Variants in CBY2 observed in about 807,000 individuals in gnomAD.
CBY2 encodes chibby family member 2, also known as protein chibby homolog 2.
Under a neutral mutation model 25.3 loss-of-function variants are expected in CBY2, and 23 were observed. The ratio of observed to expected loss-of-function variants is 0.91; its 90% CI spans 0.65 to 1.29. The LOEUF is 1.29. CBY2 is among the 50% of genes most tolerant of loss of function. The pLI, the probability that CBY2 is intolerant of heterozygous loss-of-function variation, is 0.00. For synonymous variants in CBY2, 279 were observed against 260.2 expected (o/e 1.07, Z -0.70); for missense variants, 642 against 590.7 (o/e 1.09, Z -0.90).
chr13:45,713,380 C>A lies in CBY2; in HGVS notation c.355C>A (p.Pro119Thr), dbSNP rs200515699. ...CGACCTGGAGCTGGACTACAACCCGCCGCGGGTGCAGCTCAGCGACGAGAT... is the reference window on the plus strand; with the variant it reads ...CGACCTGGAGCTGGACTACAACCCGACGCGGGTGCAGCTCAGCGACGAGAT... Reference protein sequence around the residue: ...QADLELDYNPPRVQLSDEMFV... With the variant: ...QADLELDYNPTRVQLSDEMFV... Residue 119 changes from proline to threonine, a missense_variant, in exon 3 of 3, where the codon CCG becomes ACG. By Grantham distance (38) the Pro-to-Thr change is conservative. Transcript: ENST00000310521. The surrounding 1 kb of genome is among the most constrained non-coding windows in gnomAD (Gnocchi z 5.0). 222 of 1,614,192 alleles carry A rather than the reference C, an allele frequency of 1.4e-4. 3 individuals are homozygous for A. The East Asian group carries it at 4.3e-3, about 31-fold the overall frequency.
chr13:45,713,529 G>A lies in CBY2; in HGVS notation c.504G>A (p.Leu168=). ...HHKRLAKECM[L]QEENKSLREE... ...AGAGGCTGGCCAAGGAGTGCATGCTGCAGGAGGAGAACAAGTCTCTGCGGG... is the reference window on the plus strand; with the variant it reads ...AGAGGCTGGCCAAGGAGTGCATGCTACAGGAGGAGAACAAGTCTCTGCGGG... Residue 168 remains leucine, a synonymous_variant, in exon 3 of 3, where the codon CTG becomes CTA. Coordinates refer to ENST00000310521, the MANE Select transcript of CBY2 (RefSeq NM_152719.3). The surrounding 1 kb of genome is among the most constrained non-coding windows in gnomAD (Gnocchi z 5.0). 1.2e-6 allele frequency: 2 copies of A among 1,614,200 alleles called. No individual in the cohort carries two copies. Among genetic ancestry groups the A allele is most frequent in the Non-Finnish European group, 8.5e-7 (1 of 1,180,026 alleles).
At chr13:45,705,949 A>AT (rs201781345) in intron 2 of CBY2, among the ~76,000 whole-genome samples, 1,982 of 152,176 alleles carry the variant, frequency 0.013, 17 homozygotes, top group Non-Finnish European at 0.021. Flanking sequence ...TGGTAGCCAC[A>AT]TTTTTCCAGG....
At position 45,713,574 on chromosome 13, in the gene CBY2, C is replaced by T. The variant is rs1186574596; in HGVS notation, c.549C>T (p.Arg183=). The change falls in exon 3 of 3, where the codon CGC becomes CGT. Residue 183 remains arginine (R), a synonymous_variant. Transcript: ENST00000310521. This position sits in a 1 kb window ranked among gnomAD's most constrained non-coding sequence, Gnocchi z 5.0. ...KSLREENKAL[R]EENRMLSKEN... is the part of the protein sequence containing the mutation. The stretch of plus-strand genomic sequence containing the variant: ...TGCGGGAGGAGAACAAGGCCCTGCG[C>T]GAGGAGAACCGGATGCTCAGCAAGG... The T allele has an allele frequency of 1.2e-6, 2 of 1,613,636 alleles. No homozygotes were observed. The highest frequency in any genetic ancestry group is 1.7e-6 in the Non-Finnish European group (2 of 1,179,862).
chr13:45,710,569 A>T (rs187534640), intron 2 of CBY2, among the ~76,000 whole-genome samples: 191 of 152,196 alleles, frequency 1.3e-3, no homozygotes, highest in African/African-American at 4.0e-3. Context: ...ACAACAAAAC[A>T]TTCACGTCTT....
chr13:45,705,577 C>T (rs1178980719), intron 2 of CBY2, among the ~76,000 whole-genome samples: 1 of 152,212 alleles, frequency 6.6e-6, no homozygotes, highest in East Asian at 1.9e-4. Flanking sequence ...CTTCTTTATC[C>T]TCTTTGCTGT....
rs759503227 is a variant in CBY2 at position 45,713,233 on chromosome 13, C to T, written c.208C>T (p.Arg70Cys). ...GCTCCACAACTTGTACAGCACCCCT[C>T]GCTGCGCGCAGCAGGCCGCCCTGCC... ...PRLHNLYSTPRCAQQAALPRL... is the reference protein window; with the variant it reads ...PRLHNLYSTPCCAQQAALPRL... Residue 70 changes from arginine to cysteine, a missense_variant, in exon 3 of 3, where the codon CGC becomes TGC. By Grantham distance (180) the Arg-to-Cys change is radical. Transcript: ENST00000310521. This position sits in a 1 kb window ranked among gnomAD's most constrained non-coding sequence, Gnocchi z 5.0. 18 of 1,613,454 alleles carry T rather than the reference C, an allele frequency of 1.1e-5. No individual in the cohort carries two copies. The highest frequency in any genetic ancestry group is 4.5e-5 in the East Asian group (2 of 44,890).
intron 2 of CBY2, 52 bp downstream of exon 2, chr13:45,702,907 C>G (rs1950219399): frequency 7.2e-7 from 1 of 1,390,244 alleles, no homozygotes; most frequent in South Asian, 1.2e-5. Flanking sequence ...CAGAATAACC[C>G]CCCATCTCCT....
Position 45,714,086 on chromosome 13 carries a change from A to G in CBY2, c.1061A>G (p.Gln354Arg), listed in dbSNP as rs1162462633. The change falls in exon 3 of 3, where the codon CAG (glutamine) becomes CGG (arginine). Residue 354 changes from glutamine (Q) to arginine (R), a missense_variant. Coordinates refer to ENST00000310521, the MANE Select transcript of CBY2 (RefSeq NM_152719.3). ...GGCCCGGGCCTGCCCGACGGCTGCC[A>G]GCCCCTGCAGCTGCTGAGAGAGATG... ...KVGPGLPDGC[Q>R]PLQLLREMRQ... The G allele has an allele frequency of 6.5e-7, 1 of 1,537,878 alleles. No homozygotes were observed. The highest frequency in any genetic ancestry group is 2.1e-5 in the Admixed American group (1 of 47,982).
intron 1 of CBY2, 59 bp from the exon 2 acceptor site, chr13:45,702,716 A>G (rs1950216868): frequency 1.4e-6 from 2 of 1,384,048 alleles, no homozygotes; most frequent in Admixed American, 1.7e-5. Flanking sequence ...TAGGCGAGCA[A>G]TTGAGGCCCA....
In CBY2 at chr13:45,706,804, G is replaced by A. The variant is rs1179218698; in HGVS notation, c.156+3949G>A. ...TGAAACCAATCCAGTGATACCACTGGTCGAGGAGTCCTACTGAGAAGGAAC... is the reference window on the plus strand; with the variant it reads ...TGAAACCAATCCAGTGATACCACTGATCGAGGAGTCCTACTGAGAAGGAAC... On this transcript the variant is annotated intron_variant, in intron 2 of 2. Transcript: ENST00000310521. 2.6e-5 allele frequency among the ~76,000 whole-genome samples: 4 copies of A among 152,206 alleles called. No individual in the cohort carries two copies. The South Asian group carries it at 6.2e-4, about 24-fold the overall frequency.
At chr13:45,711,383 A>T (rs75309381) in intron 2 of CBY2, among the ~76,000 whole-genome samples, 1 of 152,176 alleles carries the variant, frequency 6.6e-6, no homozygotes, top group African/African-American at 2.4e-5. Context: ...CAATGTTGGA[A>T]GGTGCCTTTA....
Position 45,714,089 on chromosome 13 carries a change from C to G in CBY2, c.1064C>G (p.Pro355Arg). Residue 355 changes from proline to arginine, a missense_variant, in exon 3 of 3, where the codon CCC (proline) becomes CGC (arginine). Coordinates refer to ENST00000310521, the MANE Select transcript of CBY2 (RefSeq NM_152719.3). ...CCGGGCCTGCCCGACGGCTGCCAGCCCCTGCAGCTGCTGAGAGAGATGAGG... is the reference window on the plus strand; with the variant it reads ...CCGGGCCTGCCCGACGGCTGCCAGCGCCTGCAGCTGCTGAGAGAGATGAGG... ...VGPGLPDGCQPLQLLREMRQA... is the reference protein window; with the variant it reads ...VGPGLPDGCQRLQLLREMRQA... The G allele has an allele frequency of 1.3e-6, 2 of 1,541,616 alleles. No individual in the cohort carries two copies. Among genetic ancestry groups the G allele is most frequent in the Non-Finnish European group, 1.8e-6 (2 of 1,142,472 alleles).
chr13:45,712,444 G>A (rs933879825), intron 2 of CBY2, among the ~76,000 whole-genome samples: 8 of 152,064 alleles, frequency 5.3e-5, no homozygotes, highest in African/African-American at 1.2e-4. Context: ...TATTATTCAC[G>A]GATTCCATAT....
chr13:45,710,410 C>A (rs7331107), intron 2 of CBY2, among the ~76,000 whole-genome samples: 2 of 152,116 alleles, frequency 1.3e-5, no homozygotes, highest in East Asian at 3.8e-4. Flanking sequence ...GTAGTCCCAG[C>A]TACTCTGGAG....
In CBY2 at chr13:45,704,917, C is replaced by A. The variant is rs1223872891; in HGVS notation, c.156+2062C>A. ...TTCTCCCTGCATCTTAACCACTCAT[C>A]TCTGGGCTTCTTATTTTGTATTTGC... On this transcript the variant is annotated intron_variant, in intron 2 of 2. Transcript: ENST00000310521. The surrounding 1 kb of genome is among the most constrained non-coding windows in gnomAD (Gnocchi z 4.1). Among the ~76,000 whole-genome samples, 3 of 152,188 alleles carry A rather than the reference C, an allele frequency of 2.0e-5. No individual in the cohort carries two copies. The East Asian group carries it at 5.8e-4, about 29-fold the overall frequency.
intron 2 of CBY2, among the ~76,000 whole-genome samples, chr13:45,708,005 G>C (rs1285048416): frequency 1.3e-5 from 2 of 152,130 alleles, no homozygotes; most frequent in African/African-American, 4.8e-5. Context: ...TATGTCTGCA[G>C]CTCTTTATAA....
Position 45,714,096 on chromosome 13 carries a change from G to A in CBY2, c.1071G>A (p.Gln357=), listed in dbSNP as rs1336774059. The part of the protein sequence containing the change: ...PGLPDGCQPL[Q]LLREMRQALQ... ...TGCCCGACGGCTGCCAGCCCCTGCAGCTGCTGAGAGAGATGAGGCAGGCGC... is the reference window on the plus strand; with the variant it reads ...TGCCCGACGGCTGCCAGCCCCTGCAACTGCTGAGAGAGATGAGGCAGGCGC... Residue 357 remains glutamine, a synonymous_variant, in exon 3 of 3, where the codon CAG becomes CAA. Transcript: ENST00000310521. 1 of 1,549,368 alleles carries A rather than the reference G, an allele frequency of 6.5e-7. No individual in the cohort carries two copies. The highest frequency in any genetic ancestry group is 1.4e-5 in the African/African-American group (1 of 73,474).
At position 45,713,202 on chromosome 13, in the gene CBY2, C is replaced by A; in HGVS notation, c.177C>A (p.Phe59Leu). ...VLPQRGTAEP[F>L]PRLHNLYSTP... Reference sequence around the variant, plus strand: ...CGCAGAGGGGCACAGCCGAACCCTTCCCGAGGCTCCACAACTTGTACAGCA... The same window carrying A: ...CGCAGAGGGGCACAGCCGAACCCTTACCGAGGCTCCACAACTTGTACAGCA... Residue 59 changes from phenylalanine to leucine, a missense_variant, in exon 3 of 3, where the codon TTC becomes TTA. By Grantham distance (22) the Phe-to-Leu change is conservative. Coordinates refer to ENST00000310521, the MANE Select transcript of CBY2 (RefSeq NM_152719.3). This position sits in a 1 kb window ranked among gnomAD's most constrained non-coding sequence, Gnocchi z 5.0. 2 of 1,612,470 alleles carry A rather than the reference C, an allele frequency of 1.2e-6. No individual in the cohort carries two copies.
At position 45,713,100 on chromosome 13, in the gene CBY2, G is replaced by A; in HGVS notation, c.157-82G>A. On this transcript the variant is annotated intron_variant, in intron 2 of 2. Transcript: ENST00000310521. The surrounding 1 kb of genome is among the most constrained non-coding windows in gnomAD (Gnocchi z 5.0). ...AGACAATCAGACGGGGCTTATTTGG[G>A]GATGTCCTGGCCCCTTTGTCAGCCA... 1 of 1,139,882 alleles carries A rather than the reference G, an allele frequency of 8.8e-7. No homozygotes were observed. The highest frequency in any genetic ancestry group is 1.2e-6 in the Non-Finnish European group (1 of 816,386). 70.6% of individuals were successfully genotyped at this position (1,139,882 alleles called of 1,614,324 possible).
Sources: allele counts gnomAD v4.1 joint callset (sites outside exome capture counted in the v4.1 genomes callset), GRCh38; gene constraint gnomAD v4.1.1; non-coding constraint Gnocchi (gnomAD v3.1); transcripts MANE v1.5; gene names NCBI Gene and HGNC (gene_info 2026-07-23, HGNC 2026-07-21).